Variants in SPATA17 observed in about 807,000 individuals in gnomAD.
SPATA17 encodes spermatogenesis associated 17.
A neutral mutation model predicts 62.2 loss-of-function variants in SPATA17; 53 were observed. The observed-to-expected ratio is 0.85, with a 90% CI of 0.68 to 1.07. SPATA17 has a LOEUF of 1.07. Among genes scored for constraint, SPATA17 ranks in the 50% least tolerant of loss-of-function variants. The pLI is 0.00. For missense variants in SPATA17, 466 were observed against 425.5 expected (o/e 1.10, Z -0.84); for synonymous variants, 146 against 146.8 (o/e 0.99, Z 0.04).
At chr1:217,631,815 C>A (rs1669785467) in intron 1 of SPATA17, among the ~76,000 whole-genome samples, 1 of 152,184 alleles carries the variant, frequency 6.6e-6, no homozygotes, top group South Asian at 2.1e-4. Context: ...TCCCATCTAC[C>A]TAGGGATTTG....
At chr1:217,794,655 G>A (rs1404668972) in intron 8 of SPATA17, among the ~76,000 whole-genome samples, 1 of 152,194 alleles carries the variant, frequency 6.6e-6, no homozygotes, top group Non-Finnish European at 1.5e-5. Flanking sequence ...TCTAGAAGGA[G>A]CAGACTCACA....
intron 9 of SPATA17, among the ~76,000 whole-genome samples, chr1:217,819,792 ATAT>A (rs781205707): frequency 1.9e-4 from 29 of 151,936 alleles, no homozygotes; most frequent in Middle Eastern, 3.2e-3. Context: ...TTCCTTGATA[ATAT>A]TATGATGTAT....
chr1:217,649,040 T>G, intron 2 of SPATA17, 69 bp downstream of exon 2: 1 of 1,049,082 alleles, frequency 9.5e-7, no homozygotes, highest in Non-Finnish European at 1.4e-6. Flanking sequence ...ATGTAATTTA[T>G]TCATGAAGTA....
rs1675693823 is a variant in SPATA17, at chr1:217,852,683, CA to C, written c.1006-10085del. 3.9e-5 allele frequency among the ~76,000 whole-genome samples: 6 copies of C among 152,036 alleles called. No individual in the cohort carries two copies. In the South Asian group the frequency reaches 1.2e-3, roughly 32 times the overall value. On this transcript the variant is annotated intron_variant, in intron 9 of 10. Coordinates refer to ENST00000366933, the MANE Select transcript of SPATA17 (RefSeq NM_138796.4). ...TCAGATGTTGGAAAACTTTCCCCCC[CA>C]AAAAATCATAGAGCAAATAAATCAA...
rs554485013 is a variant in SPATA17 at position 217,683,277 on chromosome 1, G to A, written c.311G>A (p.Gly104Asp). The A allele has an allele frequency of 6.2e-7, 1 of 1,607,454 alleles. No individual in the cohort carries two copies. Among genetic ancestry groups the A allele is most frequent in the African/African-American group, 1.3e-5 (1 of 74,448 alleles). ...TAATAGATTCAGAGACGATGGCGAG[G>A]CTATAGGGTTCGGAAGTACCTCTTT... ...MAVRIQRRWR[G>D]YRVRKYLFNY... is the part of the protein sequence containing the mutation. The change falls in exon 5 of 11, where the codon GGC becomes GAC. Residue 104 changes from glycine (G) to aspartate (D), a missense_variant. By Grantham distance (94) the Gly-to-Asp change is moderately conservative. Transcript: ENST00000366933.
intron 9 of SPATA17, among the ~76,000 whole-genome samples, chr1:217,840,687 C>G (rs1356228578): frequency 6.6e-6 from 1 of 151,792 alleles, no homozygotes; most frequent in Non-Finnish European, 1.5e-5. Flanking sequence ...GGCAAAACCC[C>G]ATCTCTACAA....
intron 5 of SPATA17, among the ~76,000 whole-genome samples, chr1:217,733,702 A>C (rs887269469): frequency 2.0e-5 from 3 of 152,204 alleles, no homozygotes; most frequent in Non-Finnish European, 4.4e-5. Flanking sequence ...CTCTTAAAAT[A>C]GCTTAGATAT....
Position 217,854,855 on chromosome 1 carries a change from C to T in SPATA17, c.1006-7919C>T, listed in dbSNP as rs150684564. On this transcript the variant is annotated intron_variant, in intron 9 of 10. Transcript: ENST00000366933. The stretch of plus-strand genomic sequence containing the variant: ...AAGTCTCAAACTTTTAACAAGTTCA[C>T]GGTTTCCCCAGGGCCACATCTGTTT... 7.9e-3 allele frequency among the ~76,000 whole-genome samples: 1,200 copies of T among 152,236 alleles called. 15 individuals carry two copies. The highest frequency in any genetic ancestry group is 0.026 in the African/African-American group (1,068 of 41,518).
intron 5 of SPATA17, among the ~76,000 whole-genome samples, chr1:217,688,866 T>A (rs886190402): frequency 2.7e-5 from 4 of 148,292 alleles, no homozygotes; most frequent in Admixed American, 2.7e-4. Context: ...GAACACCCTG[T>A]CTTAATTATC....
chr1:217,811,973 C>T (rs561132657), intron 9 of SPATA17, among the ~76,000 whole-genome samples: 1 of 152,032 alleles, frequency 6.6e-6, no homozygotes, highest in South Asian at 2.1e-4. Flanking sequence ...AGACTAGAGA[C>T]GTCACGTTCA....
chr1:217,818,292 A>C (rs1463200230), intron 9 of SPATA17, among the ~76,000 whole-genome samples: 3 of 151,974 alleles, frequency 2.0e-5, no homozygotes, highest in Non-Finnish European at 4.4e-5. Flanking sequence ...TGCTCTGACT[A>C]ATTTTCTTTG....
At chr1:217,730,455 G>A (rs1245228876) in intron 5 of SPATA17, among the ~76,000 whole-genome samples, 1 of 151,974 alleles carries the variant, frequency 6.6e-6, no homozygotes, top group Non-Finnish European at 1.5e-5. Context: ...GACCTCAAGT[G>A]ATCTATCTAT....
intron 9 of SPATA17, among the ~76,000 whole-genome samples, chr1:217,810,544 C>A (rs1373163639): frequency 1.3e-5 from 2 of 151,938 alleles, no homozygotes; most frequent in African/African-American, 2.4e-5. Context: ...ATCACTTGAA[C>A]CCAGGAGGCA....
At chr1:217,759,402 T>G (rs904271557) in intron 6 of SPATA17, among the ~76,000 whole-genome samples, 3 of 151,868 alleles carry the variant, frequency 2.0e-5, no homozygotes, top group Non-Finnish European at 2.9e-5. Context: ...GAGGTGGCAG[T>G]GAGCCAAGAT....
intron 5 of SPATA17, among the ~76,000 whole-genome samples, chr1:217,696,376 G>T (rs909583274): frequency 6.6e-6 from 1 of 152,124 alleles, no homozygotes; most frequent in Admixed American, 6.5e-5. Flanking sequence ...GCACCCACTG[G>T]CCTGCGCCCA....
chr1:217,673,889 C>A (rs1244183496), intron 4 of SPATA17, among the ~76,000 whole-genome samples: 1 of 152,142 alleles, frequency 6.6e-6, no homozygotes, highest in Non-Finnish European at 1.5e-5. Flanking sequence ...TTTCTTGTCC[C>A]TTTTTCCCAT....
At position 217,871,643 on chromosome 1, in the gene SPATA17, G is replaced by C. The variant is rs1676130277; in HGVS notation, c.*4624G>C. 1 of 151,936 alleles carries C rather than the reference G, an allele frequency of 6.6e-6. No individual in the cohort carries two copies. Among genetic ancestry groups the C allele is most frequent in the Non-Finnish European group, 1.5e-5 (1 of 67,990 alleles). The allele number at this position is 151,936 out of a possible 1,614,324, so 9.4% of individuals were successfully genotyped here. ...GAGTGAATGACTGAACAAATCGCTG[G>C]GTAATGCTGTTTAGGTTGTTCTATT... On this transcript the variant is annotated 3_prime_UTR_variant, in exon 11 of 11. Coordinates refer to ENST00000366933, the MANE Select transcript of SPATA17 (RefSeq NM_138796.4).
At chr1:217,725,799 T>C (rs985481208) in intron 5 of SPATA17, among the ~76,000 whole-genome samples, 4 of 152,170 alleles carry the variant, frequency 2.6e-5, no homozygotes, top group South Asian at 2.1e-4. Context: ...ATTAAACTTA[T>C]AGTGTAGGAA....
chr1:217,734,643 G>A (rs181666209), intron 5 of SPATA17, among the ~76,000 whole-genome samples: 1 of 152,200 alleles, frequency 6.6e-6, no homozygotes, highest in East Asian at 1.9e-4. Flanking sequence ...GCAGATGATG[G>A]CATTTTGTTT....
Sources: gnomAD v4.1 joint callset for allele counts (sites outside exome capture counted in the v4.1 genomes callset) on GRCh38, gnomAD v4.1.1 for gene constraint, MANE v1.5 for transcripts, NCBI Gene and HGNC (gene_info 2026-07-23, HGNC 2026-07-21) for gene names.